Variants in PRKCE observed in about 807,000 individuals in gnomAD.
PRKCE encodes protein kinase C epsilon type.
In PRKCE, 16 loss-of-function variants were observed where a neutral mutation model predicts 85.4. That is an observed-to-expected ratio of 0.19 (90% confidence interval 0.13 to 0.28). The LOEUF (loss-of-function observed/expected upper bound fraction) is 0.28, where lower values mean the gene tolerates loss of function less well. Among genes scored for constraint, PRKCE ranks in the 10% least tolerant of loss-of-function variants. The probability of loss-of-function intolerance (pLI) is 1.00; values close to 1 mark genes in which losing one functional copy is unlikely to be tolerated. For synonymous variants in PRKCE, 388 were observed against 371.5 expected (o/e 1.04, Z -0.51); for missense variants, 573 against 975.2 (o/e 0.59, Z 5.49).
intron 10 of PRKCE, among the ~76,000 whole-genome samples, chr2:46,038,881 A>T (rs1708047820): frequency 6.6e-6 from 1 of 152,226 alleles, no homozygotes; most frequent in South Asian, 2.1e-4. Flanking sequence ...TTGCTGTAGC[A>T]ACTATGAACA....
intron 11 of PRKCE, among the ~76,000 whole-genome samples, chr2:46,086,668 C>A (rs1669668850): frequency 6.6e-6 from 1 of 152,184 alleles, no homozygotes; most frequent in Non-Finnish European, 1.5e-5. Context: ...CTCTCTCCTC[C>A]ACCCTCTTCC....
At chr2:46,029,543 G>A (rs1707369111) in intron 10 of PRKCE, among the ~76,000 whole-genome samples, 1 of 152,118 alleles carries the variant, frequency 6.6e-6, no homozygotes, top group Non-Finnish European at 1.5e-5. Flanking sequence ...AAATGAAAAG[G>A]CCTCCCTGTA....
At chr2:46,090,283 AGAATT>A (rs1368881287) in intron 11 of PRKCE, among the ~76,000 whole-genome samples, 1 of 152,216 alleles carries the variant, frequency 6.6e-6, no homozygotes, top group African/African-American at 2.4e-5. Context: ...GTAGCTCAAG[AGAATT>A]TCATCCTCAG....
intron 2 of PRKCE, among the ~76,000 whole-genome samples, chr2:45,850,864 G>C (rs1285031599): frequency 6.6e-6 from 1 of 152,128 alleles, no homozygotes; most frequent in Non-Finnish European, 1.5e-5. Context: ...TTCTTCAGTT[G>C]GAAGCATCAT....
intron 1 of PRKCE, among the ~76,000 whole-genome samples, chr2:45,811,576 A>G (rs918652429): frequency 6.6e-6 from 1 of 152,244 alleles, no homozygotes; most frequent in Non-Finnish European, 1.5e-5. Context: ...TACCATGTTC[A>G]TGTTACCTAT....
intron 2 of PRKCE, among the ~76,000 whole-genome samples, chr2:45,868,219 T>A (rs1433892167): frequency 7.2e-6 from 1 of 139,710 alleles, no homozygotes; most frequent in East Asian, 2.1e-4. Flanking sequence ...CGGAGCTTTT[T>A]TTTTTTTTTT....
chr2:45,980,946 C>T (rs1702843784), intron 5 of PRKCE, among the ~76,000 whole-genome samples: 1 of 152,206 alleles, frequency 6.6e-6, no homozygotes, highest in African/African-American at 2.4e-5. Context: ...CTTCATTTTA[C>T]AACAGAATAG....
At chr2:46,152,123 C>A (rs927154903) in intron 13 of PRKCE, among the ~76,000 whole-genome samples, 10 of 152,122 alleles carry the variant, frequency 6.6e-5, no homozygotes, top group African/African-American at 2.4e-4. Context: ...CTATTACTAG[C>A]TTTTCTTGTT....
chr2:45,748,126 A>G (rs528186108), intron 1 of PRKCE, among the ~76,000 whole-genome samples: 80 of 152,354 alleles, frequency 5.3e-4, no homozygotes, highest in Non-Finnish European at 1.0e-3. Flanking sequence ...GAACACATTG[A>G]CAACCATTGG....
chr2:46,092,601 C>T (rs1032739821), intron 11 of PRKCE, among the ~76,000 whole-genome samples: 3 of 152,164 alleles, frequency 2.0e-5, no homozygotes, highest in African/African-American at 7.2e-5. Flanking sequence ...CTCAGTGCAC[C>T]TTATAAACCT....
intron 10 of PRKCE, among the ~76,000 whole-genome samples, chr2:46,019,272 G>A (rs1264416358): frequency 1.3e-5 from 2 of 152,102 alleles, no homozygotes; most frequent in Admixed American, 6.5e-5. Context: ...AGGGACTTCG[G>A]TTTCTTGCCA....
chr2:45,818,156 A>G (rs1167734496), intron 1 of PRKCE, among the ~76,000 whole-genome samples: 2 of 152,226 alleles, frequency 1.3e-5, no homozygotes, highest in African/African-American at 4.8e-5. Flanking sequence ...AAAATGTATC[A>G]TGTGCCACAT....
chr2:46,010,505 C>T lies in PRKCE; in HGVS notation c.1425C>T (p.Cys475=), dbSNP rs1463892368. 6.3e-7 allele frequency: 1 copy of T among 1,599,490 alleles called. No individual in the cohort carries two copies. Among genetic ancestry groups the T allele is most frequent in the Non-Finnish European group, 8.5e-7 (1 of 1,179,874 alleles). ...KHPYLTQLYC[C]FQTKDRLFFV... ...CGTACCTTACCCAACTCTACTGCTGCTTCCAGACCAAGGTATGTTAGGAAG... is the reference window on the plus strand; with the variant it reads ...CGTACCTTACCCAACTCTACTGCTGTTTCCAGACCAAGGTATGTTAGGAAG... The change falls in exon 10 of 15, where the codon TGC becomes TGT. Residue 475 remains cysteine (C), a synonymous_variant. Coordinates refer to ENST00000306156, the MANE Select transcript of PRKCE (RefSeq NM_005400.3).
At chr2:45,853,398 T>C (rs1271912741) in intron 2 of PRKCE, among the ~76,000 whole-genome samples, 1 of 152,186 alleles carries the variant, frequency 6.6e-6, no homozygotes, top group East Asian at 1.9e-4. Context: ...ATATTGAATT[T>C]TTTGTTTTTG....
chr2:46,166,196 G>A (rs1678323672), intron 14 of PRKCE, among the ~76,000 whole-genome samples: 1 of 152,236 alleles, frequency 6.6e-6, no homozygotes, highest in African/African-American at 2.4e-5. Flanking sequence ...TTAGCGACCT[G>A]AGGAGGAGCC....
intron 14 of PRKCE, among the ~76,000 whole-genome samples, chr2:46,182,490 C>T (rs1680088327): frequency 6.6e-6 from 1 of 152,154 alleles, no homozygotes; most frequent in South Asian, 2.1e-4. Flanking sequence ...GCTTTCCCAT[C>T]TCAGGGGCAT....
At chr2:45,752,518 T>C (rs1378411683) in intron 1 of PRKCE, among the ~76,000 whole-genome samples, 1 of 152,014 alleles carries the variant, frequency 6.6e-6, no homozygotes, top group African/African-American at 2.4e-5. Context: ...TGTGCATTCA[T>C]TGGTTGTATG....
At chr2:45,823,827 G>A (rs2105349027) in intron 1 of PRKCE, among the ~76,000 whole-genome samples, 1 of 152,240 alleles carries the variant, frequency 6.6e-6, no homozygotes, top group East Asian at 1.9e-4. Context: ...CATCTGAGAG[G>A]CATGTGCTCT....
intron 1 of PRKCE, among the ~76,000 whole-genome samples, chr2:45,761,713 G>T (rs1200034064): frequency 2.0e-5 from 3 of 152,066 alleles, no homozygotes; most frequent in Non-Finnish European, 2.9e-5. Context: ...GCTTGCCCTG[G>T]CTTCCTGCAA....
Sources: gnomAD v4.1 joint callset for allele counts (sites outside exome capture counted in the v4.1 genomes callset) on GRCh38, gnomAD v4.1.1 for gene constraint, MANE v1.5 for transcripts, NCBI Gene and HGNC (gene_info 2026-07-23, HGNC 2026-07-21) for gene names.